Variants in CDYL2 observed in about 807,000 individuals in gnomAD.
CDYL2 encodes chromodomain Y like 2.
Under a neutral mutation model 49.4 loss-of-function variants are expected in CDYL2, and 23 were observed. That is an observed-to-expected ratio of 0.47 (90% CI 0.34 to 0.66). The LOEUF (loss-of-function observed/expected upper bound fraction) is 0.66. CDYL2 is among the 30% of genes least tolerant of loss of function. The pLI is 0.01. For missense variants in CDYL2, 678 were observed against 656.4 expected, an observed-to-expected ratio of 1.03 and a Z score of -0.36; for synonymous variants, 360 against 268.8, an observed-to-expected ratio of 1.34 and a Z score of -3.32.
Position 80,629,114 on chromosome 16 carries a change from G to A in CDYL2, c.834+3905C>T, listed in dbSNP as rs538606307. 3.3e-5 allele frequency among the ~76,000 whole-genome samples: 5 copies of A among 152,300 alleles called. No homozygotes were observed. The South Asian group carries it at 8.3e-4, about 25-fold the overall frequency. On this transcript the variant is annotated intron_variant, in intron 3 of 6. Transcript: ENST00000570137. ...TGAGGCGGGACTGCACCACGCTGAG[G>A]GTTCTGACTGTCAGCCAGGGTAATC...
intron 1 of CDYL2, among the ~76,000 whole-genome samples, chr16:80,772,680 T>C (rs1416400351): frequency 6.6e-6 from 1 of 152,070 alleles, no homozygotes; most frequent in African/African-American, 2.4e-5. Flanking sequence ...CTCAATCTCC[T>C]GACCTCATGA....
At chr16:80,622,725 C>T (rs758934660) in intron 3 of CDYL2, among the ~76,000 whole-genome samples, 1 of 152,122 alleles carries the variant, frequency 6.6e-6, no homozygotes, top group Non-Finnish European at 1.5e-5. Context: ...ACAAGGCCAA[C>T]TCAAAAGGCA....
At chr16:80,765,945 A>G (rs1485372690) in intron 1 of CDYL2, among the ~76,000 whole-genome samples, 1 of 150,496 alleles carries the variant, frequency 6.6e-6, no homozygotes, top group African/African-American at 2.4e-5. Flanking sequence ...CCTTGAAAAC[A>G]TTATGTTAAA....
At chr16:80,672,913 G>A (rs967440212) in intron 2 of CDYL2, among the ~76,000 whole-genome samples, 7 of 152,214 alleles carry the variant, frequency 4.6e-5, no homozygotes, top group South Asian at 4.1e-4. Context: ...GAAGGCTCAC[G>A]CTGGCTTGTA....
intron 1 of CDYL2, among the ~76,000 whole-genome samples, chr16:80,698,444 G>T (rs143556011): frequency 1.3e-5 from 2 of 152,118 alleles, no homozygotes; most frequent in Non-Finnish European, 2.9e-5. Context: ...ATGGGCCAAT[G>T]ATCTGAAAAG....
chr16:80,625,125 A>C (rs960053023), intron 3 of CDYL2, among the ~76,000 whole-genome samples: 1 of 152,184 alleles, frequency 6.6e-6, no homozygotes, highest in Non-Finnish European at 1.5e-5. Context: ...AATAACATAA[A>C]CTTATTATCT....
At chr16:80,674,308 G>A (rs1432538002) in intron 2 of CDYL2, among the ~76,000 whole-genome samples, 5 of 152,004 alleles carry the variant, frequency 3.3e-5, no homozygotes, top group Admixed American at 1.3e-4. Flanking sequence ...GGGGGCTGTC[G>A]AGGAAATTCA....
At chr16:80,655,718 A>T (rs1266376632) in intron 2 of CDYL2, among the ~76,000 whole-genome samples, 1 of 152,162 alleles carries the variant, frequency 6.6e-6, no homozygotes, top group Non-Finnish European at 1.5e-5. Flanking sequence ...CCAAGCAGGG[A>T]TCAGAGCCTC....
intron 1 of CDYL2, among the ~76,000 whole-genome samples, chr16:80,707,936 T>C (rs941757035): frequency 2.0e-5 from 3 of 152,146 alleles, no homozygotes; most frequent in African/African-American, 4.8e-5. Context: ...CAGTAGGGTG[T>C]TGGGTTACTA....
chr16:80,610,186 G>C (rs770983767), intron 5 of CDYL2, among the ~76,000 whole-genome samples: 3 of 152,220 alleles, frequency 2.0e-5, no homozygotes, highest in Non-Finnish European at 4.4e-5. Context: ...AGCAGGACTT[G>C]AGAGATGAGA....
chr16:80,748,921 G>C (rs1225365365), intron 1 of CDYL2, among the ~76,000 whole-genome samples: 1 of 152,132 alleles, frequency 6.6e-6, no homozygotes, highest in Non-Finnish European at 1.5e-5. Flanking sequence ...AAAAGTCATA[G>C]AAGGGGCTAA....
At chr16:80,726,977 C>T (rs574373711) in intron 1 of CDYL2, among the ~76,000 whole-genome samples, 143 of 152,164 alleles carry the variant, frequency 9.4e-4, no homozygotes, top group African/African-American at 3.2e-3. Flanking sequence ...TCCCAGCTAC[C>T]CAAGAGACTG....
At chr16:80,730,691 C>A (rs1412138332) in intron 1 of CDYL2, among the ~76,000 whole-genome samples, 1 of 152,044 alleles carries the variant, frequency 6.6e-6, no homozygotes, top group African/African-American at 2.4e-5. Flanking sequence ...AACATTGATG[C>A]AAAAATCCTC....
At chr16:80,627,862 G>C (rs945555287) in intron 3 of CDYL2, 1 of 152,170 alleles carries the variant, frequency 6.6e-6, no homozygotes, top group Non-Finnish European at 1.5e-5. Context: ...GCACTTCCTA[G>C]CTGTCACTTG....
chr16:80,668,676 T>C (rs1271084524), intron 2 of CDYL2, among the ~76,000 whole-genome samples: 2 of 151,994 alleles, frequency 1.3e-5, no homozygotes, highest in Non-Finnish European at 2.9e-5. Flanking sequence ...AAGCAGGAAA[T>C]TCACTTGAGG....
chr16:80,803,599 C>T (rs1391446452), intron 1 of CDYL2, among the ~76,000 whole-genome samples: 1 of 144,080 alleles, frequency 6.9e-6, no homozygotes, highest in Non-Finnish European at 1.5e-5. Flanking sequence ...CCCACCCAGC[C>T]TCCCCCTTCG....
At chr16:80,783,982 T>C (rs944208878) in intron 1 of CDYL2, among the ~76,000 whole-genome samples, 4 of 152,156 alleles carry the variant, frequency 2.6e-5, no homozygotes, top group African/African-American at 9.7e-5. Flanking sequence ...CTAGACAACA[T>C]TGTGAAAGTA....
chr16:80,629,412 C>A (rs1426789420), intron 3 of CDYL2, among the ~76,000 whole-genome samples: 1 of 152,168 alleles, frequency 6.6e-6, no homozygotes, highest in Non-Finnish European at 1.5e-5. Flanking sequence ...GACAGGTTTG[C>A]ACATGGGGCC....
At position 80,637,320 on chromosome 16, in the gene CDYL2, T is replaced by C. The variant is rs148186580; in HGVS notation, c.617-4084A>G. Reference sequence around the variant, plus strand: ...TAATGTCTTACTTAGCGGTGAGAAATGGATGCTTTGCCCTTAAGATCTGAA... The same window carrying C: ...TAATGTCTTACTTAGCGGTGAGAAACGGATGCTTTGCCCTTAAGATCTGAA... On this transcript the variant is annotated intron_variant, in intron 2 of 6. Coordinates refer to ENST00000570137, the MANE Select transcript of CDYL2 (RefSeq NM_152342.4). 1.5e-4 allele frequency among the ~76,000 whole-genome samples: 23 copies of C among 152,228 alleles called. No individual in the cohort carries two copies. In the East Asian group the frequency reaches 4.1e-3, roughly 27 times the overall value.
Sources: gnomAD v4.1 joint callset for allele counts (sites outside exome capture counted in the v4.1 genomes callset) on GRCh38, gnomAD v4.1.1 for gene constraint, MANE v1.5 for transcripts, NCBI Gene and HGNC (gene_info 2026-07-23, HGNC 2026-07-21) for gene names.